The following DIXDC1 variants were observed in gnomAD, a reference collection of about 807,000 sequenced individuals.
DIXDC1 encodes DIX domain containing 1.
DIXDC1 carries 64 observed loss-of-function variants against 103.1 expected under a neutral mutation model. The observed-to-expected ratio is 0.62, with a 90% CI of 0.51 to 0.76. The LOEUF (loss-of-function observed/expected upper bound fraction) is 0.76, where lower values mean the gene tolerates loss of function less well. Among genes scored for constraint, DIXDC1 ranks in the 30% least tolerant of loss-of-function variants. DIXDC1 has a pLI of 0.00. For synonymous variants in DIXDC1, 266 were observed against 298.5 expected (o/e 0.89, Z 1.12); for missense variants, 759 against 834.2 (o/e 0.91, Z 1.11).
intron 7 of DIXDC1, among the ~76,000 whole-genome samples, chr11:111,983,512 A>T (rs1392246333): frequency 6.6e-6 from 1 of 152,048 alleles, no homozygotes; most frequent in African/African-American, 2.4e-5. Flanking sequence ...GGCCTTTTAG[A>T]TCTCTTTTCT....
At chr11:112,009,054 C>G (rs189756829) in intron 17 of DIXDC1, among the ~76,000 whole-genome samples, 2 of 151,854 alleles carry the variant, frequency 1.3e-5, no homozygotes, top group African/African-American at 4.8e-5. Flanking sequence ...ACTGATAGAC[C>G]GCTAGCAAGA....
intron 3 of DIXDC1, among the ~76,000 whole-genome samples, chr11:111,969,539 G>C (rs942841642): frequency 1.3e-5 from 2 of 152,142 alleles, no homozygotes; most frequent in Non-Finnish European, 2.9e-5. Context: ...GCTTGGCCCA[G>C]ATGGGTTTGC....
chr11:111,930,032 T>C, intron 2 of DIXDC1: 1 of 938,588 alleles, frequency 1.1e-6, no homozygotes, highest in Non-Finnish European at 1.5e-6. Context: ...AATATATTTG[T>C]CTTTTTTTTT....
intron 11 of DIXDC1, 79 bp from the exon 12 acceptor site, chr11:111,992,872 A>G: frequency 7.0e-7 from 1 of 1,422,982 alleles, no homozygotes; most frequent in South Asian, 1.3e-5. Context: ...GCCAACATTA[A>G]CTGGTTACTA....
chr11:111,976,612 C>A lies in DIXDC1; in HGVS notation c.656+1629C>A, dbSNP rs1359482051. 1.3e-5 allele frequency among the ~76,000 whole-genome samples: 2 copies of A among 152,090 alleles called. No homozygotes were observed. Among genetic ancestry groups the A allele is most frequent in the Non-Finnish European group, 2.9e-5 (2 of 68,020 alleles). ...GTTCCCGCACATTCTGAGCCCTCGC[C>A]CCCAGGGAGCCCACTTAGTGGCTCT... is the stretch of plus-strand genomic sequence containing the variant. On this transcript the variant is annotated intron_variant, in intron 5 of 19. Transcript: ENST00000440460. This position sits in a 1 kb window ranked among gnomAD's most constrained non-coding sequence, Gnocchi z 4.3.
chr11:111,996,426 A>G (rs587637763), intron 17 of DIXDC1: 1 of 251,830 alleles, frequency 4.0e-6, no homozygotes, highest in African/African-American at 2.3e-5. Context: ...ATTTATGCTG[A>G]AAAAGCAAAA....
intron 13 of DIXDC1, 27 bp downstream of exon 13, chr11:111,993,615 C>G: frequency 6.2e-7 from 1 of 1,613,932 alleles, no homozygotes; most frequent in Non-Finnish European, 8.5e-7. Flanking sequence ...CCACTGACTT[C>G]CCTGCCTCTT....
chr11:111,949,988 A>G (rs1301495676), intron 1 of DIXDC1, among the ~76,000 whole-genome samples: 7 of 151,990 alleles, frequency 4.6e-5, no homozygotes, highest in Non-Finnish European at 1.0e-4. Context: ...GCCTGTAAGC[A>G]CTGACCTTGG....
intron 17 of DIXDC1, among the ~76,000 whole-genome samples, chr11:112,009,006 A>G (rs1402402471): frequency 6.6e-6 from 1 of 152,204 alleles, no homozygotes; most frequent in African/African-American, 2.4e-5. Context: ...AAAAAAATCA[A>G]TGAATCCAGG....
At position 111,974,084 on chromosome 11, in the gene DIXDC1, C is replaced by G; in HGVS notation, c.378C>G (p.Phe126Leu). ...TGGTCCTTGCCTTGGCAGCTCATTT[C>G]AAACCTGGCTCCAGCAGGACGGTGA... is the stretch of plus-strand genomic sequence containing the variant. ...MRLVLALAAH[F>L]KPGSSRTVNQ... Residue 126 changes from phenylalanine to leucine, a missense_variant, in exon 4 of 20, where the codon TTC (phenylalanine) becomes TTG (leucine). Phe to Leu is a conservative substitution (Grantham distance 22). This residue lies in a region of DIXDC1 where 657 missense variants were observed against 727.5 expected (regional missense o/e 0.90). Coordinates refer to ENST00000440460, the MANE Select transcript of DIXDC1 (RefSeq NM_001037954.4). 6.2e-7 allele frequency: 1 copy of G among 1,614,004 alleles called. No individual in the cohort carries two copies. The highest frequency in any genetic ancestry group is 8.5e-7 in the Non-Finnish European group (1 of 1,179,904).
At chr11:111,983,943 C>T (rs1555173569) in intron 7 of DIXDC1, among the ~76,000 whole-genome samples, 1 of 152,130 alleles carries the variant, frequency 6.6e-6, no homozygotes, top group African/African-American at 2.4e-5. Flanking sequence ...ATTAGTATTC[C>T]TTAGTTAGAA....
chr11:112,018,898 T>G, intron 19 of DIXDC1, 58 bp from the exon 20 acceptor site: 3 of 1,441,154 alleles, frequency 2.1e-6, no homozygotes, highest in Non-Finnish European at 1.9e-6. Flanking sequence ...TTAGCAGCAA[T>G]TGTTTAGTGA....
At chr11:111,937,276 G>A, upstream of DIXDC1, 1 of 1,307,156 alleles carries the variant, frequency 7.7e-7, no homozygotes, top group Non-Finnish European at 9.7e-7. Context: ...TGTTTCCATA[G>A]GAACCGCGAC....
At chr11:111,971,564 A>G (rs1220228225) in intron 3 of DIXDC1, among the ~76,000 whole-genome samples, 1 of 152,224 alleles carries the variant, frequency 6.6e-6, no homozygotes, top group Non-Finnish European at 1.5e-5. Flanking sequence ...TAAGAACTAC[A>G]GCAATCCCAT....
intron 17 of DIXDC1, among the ~76,000 whole-genome samples, chr11:112,008,131 C>CAAAA (rs782037838): frequency 1.9e-5 from 1 of 52,272 alleles, no homozygotes. Context: ...AAATGCAAAG[C>CAAAA]AAAAAAAAAA....
rs78002394 is a variant in DIXDC1 at position 111,939,506 on chromosome 11, A to C, written c.60+1947A>C. Among the ~76,000 whole-genome samples, 1,095 of 152,296 alleles carry C rather than the reference A, an allele frequency of 7.2e-3. 12 individuals are homozygous for C. The highest frequency in any genetic ancestry group is 7.5e-3 in the Non-Finnish European group (507 of 68,020). On this transcript the variant is annotated intron_variant, in intron 1 of 19. Transcript: ENST00000440460. ...TATTTGATTTTTCTACCCATTCTGT[A>C]AACTTCCCTCCATCCCCTCCACAAG...
chr11:111,994,732 C>T (rs1860830657), intron 14 of DIXDC1, among the ~76,000 whole-genome samples: 1 of 152,078 alleles, frequency 6.6e-6, no homozygotes, highest in African/African-American at 2.4e-5. Flanking sequence ...TTCTGAGGCT[C>T]TCCAGTGCTG....
chr11:111,977,773 T>G lies in DIXDC1; in HGVS notation c.656+2790T>G. ...GAAGCCCGAGACAGGAGGGGGACCA[T>G]GGGAGGGACGCAAGTCAAATGGTGA... On this transcript the variant is annotated intron_variant, in intron 5 of 19. Coordinates refer to ENST00000440460, the MANE Select transcript of DIXDC1 (RefSeq NM_001037954.4). The surrounding 1 kb of genome is among the most constrained non-coding windows in gnomAD (Gnocchi z 6.1). The G allele has an allele frequency of 6.4e-7, 1 of 1,562,452 alleles. No individual in the cohort carries two copies. Among genetic ancestry groups the G allele is most frequent in the Non-Finnish European group, 8.7e-7 (1 of 1,154,662 alleles).
intron 8 of DIXDC1, among the ~76,000 whole-genome samples, chr11:111,985,633 T>C (rs1477400438): frequency 6.6e-6 from 1 of 152,070 alleles, no homozygotes; most frequent in Non-Finnish European, 1.5e-5. Flanking sequence ...GCTTGTGCCT[T>C]TAATGTTGGT....
Sources: allele counts gnomAD v4.1 joint callset (sites outside exome capture counted in the v4.1 genomes callset), GRCh38; gene constraint gnomAD v4.1.1; regional missense constraint gnomAD v4.1.1; non-coding constraint Gnocchi (gnomAD v3.1); transcripts MANE v1.5; gene names NCBI Gene and HGNC (gene_info 2026-07-23, HGNC 2026-07-21).